Variants in FBXL5 observed in about 807,000 individuals in gnomAD.
FBXL5 encodes the protein F-box and leucine rich repeat protein 5, also known as F-box/LRR-repeat protein 5.
FBXL5 carries 26 observed loss-of-function variants against 78.3 expected under a neutral mutation model. That is an observed-to-expected ratio of 0.33 (90% CI 0.24 to 0.46). The LOEUF is 0.46. Among genes scored for constraint, FBXL5 ranks in the 20% least tolerant of loss-of-function variants. FBXL5 has a pLI of 1.00. For missense variants in FBXL5, 710 were observed against 829.2 expected, an observed-to-expected ratio of 0.86 and a Z score of 1.77; for synonymous variants, 295 against 282.5, an observed-to-expected ratio of 1.04 and a Z score of -0.45.
At position 15,612,663 on chromosome 4, in the gene FBXL5, T is replaced by G. The variant is rs569263194; in HGVS notation, c.1851-249A>C. On this transcript the variant is annotated intron_variant, in intron 9 of 10. Coordinates refer to ENST00000341285, the MANE Select transcript of FBXL5 (RefSeq NM_012161.4). ...AAAACTGTTCTTTATAAGAACATCA[T>G]GGTAACTCAATTCTTAGAGGAAGTA... Among the ~76,000 whole-genome samples, 13 of 152,288 alleles carry G rather than the reference T, an allele frequency of 8.5e-5. No homozygotes were observed. The South Asian group carries it at 2.7e-3, about 32-fold the overall frequency.
intron 5 of FBXL5, among the ~76,000 whole-genome samples, chr4:15,632,521 C>G (rs1274029782): frequency 6.6e-6 from 1 of 152,148 alleles, no homozygotes; most frequent in Non-Finnish European, 1.5e-5. Context: ...GTCATTTTCA[C>G]GATACTGATT....
intron 1 of FBXL5, among the ~76,000 whole-genome samples, chr4:15,654,247 TTTA>T (rs1411943139): frequency 2.6e-5 from 4 of 152,232 alleles, no homozygotes; most frequent in African/African-American, 9.6e-5. Context: ...ATTTGAATGC[TTTA>T]TTTAGTTGGA....
chr4:15,637,290 A>G (rs950549487), intron 4 of FBXL5, among the ~76,000 whole-genome samples: 1 of 152,220 alleles, frequency 6.6e-6, no homozygotes, highest in Non-Finnish European at 1.5e-5. Flanking sequence ...TCACATTGAT[A>G]ATGAAACTTT....
chr4:15,646,948 C>T (rs1024257972), intron 1 of FBXL5, among the ~76,000 whole-genome samples: 1 of 151,932 alleles, frequency 6.6e-6, no homozygotes, highest in Non-Finnish European at 1.5e-5. Context: ...AAAGGCTGGG[C>T]ATGGTGGCTC....
At chr4:15,641,005 G>T in intron 2 of FBXL5, 122 bp from the exon 3 acceptor site, 1 of 517,268 alleles carries the variant, frequency 1.9e-6, no homozygotes, top group Non-Finnish European at 3.4e-6. Flanking sequence ...AAATTGCAAA[G>T]TGGTCTCTGT....
chr4:15,625,135 G>A, intron 9 of FBXL5, 117 bp downstream of exon 9: 4 of 1,190,312 alleles, frequency 3.4e-6, no homozygotes, highest in Non-Finnish European at 4.6e-6. Context: ...GCAGATCTTG[G>A]TTAATCCTTT....
chr4:15,652,108 C>A (rs1181527175), intron 1 of FBXL5, among the ~76,000 whole-genome samples: 1 of 152,134 alleles, frequency 6.6e-6, no homozygotes. Context: ...CCAATGCTCA[C>A]TGACAGAATT....
In FBXL5 at chr4:15,636,661, T is replaced by C; in HGVS notation, c.599A>G (p.Glu200Gly). The C allele has an allele frequency of 1.3e-6, 2 of 1,564,848 alleles. No homozygotes were observed. The highest frequency in any genetic ancestry group is 2.4e-5 in the South Asian group (2 of 84,298). Residue 200 changes from glutamate to glycine, a missense_variant, in exon 5 of 11, where the codon GAA (glutamate) becomes GGA (glycine). Physicochemically the swap from Glu to Gly is moderately conservative, Grantham distance 98. Transcript: ENST00000341285. ...AAGATGGGTTATACCTGTGGAGTGT[T>C]CTGACACTTCTGCTTCTGAAATAAA... is the stretch of plus-strand genomic sequence containing the variant. ...EKSDKEAEVS[E>G]HSTGITHLPP... is the part of the protein sequence containing the mutation.
At chr4:15,639,846 G>A (rs548469528) in intron 3 of FBXL5, among the ~76,000 whole-genome samples, 2 of 152,254 alleles carry the variant, frequency 1.3e-5, no homozygotes, top group African/African-American at 4.8e-5. Context: ...TTGATTATAA[G>A]GTGAAGCTAT....
chr4:15,643,251 GTCTTT>G (rs910383637), intron 2 of FBXL5, among the ~76,000 whole-genome samples: 2 of 151,986 alleles, frequency 1.3e-5, no homozygotes, highest in African/African-American at 4.8e-5. Flanking sequence ...TCCTCCTTTA[GTCTTT>G]TCTTTATCTT....
upstream of FBXL5, among the ~76,000 whole-genome samples, chr4:15,659,378 A>C (rs1226197495): frequency 6.6e-6 from 1 of 152,186 alleles, no homozygotes; most frequent in African/African-American, 2.4e-5. Flanking sequence ...AATTTCAACA[A>C]TTGTTACCCT....
chr4:15,604,642 A>G lies in FBXL5; in HGVS notation c.*1081T>C, dbSNP rs772818017. 5.3e-5 allele frequency: 8 copies of G among 152,222 alleles called. No homozygotes were observed. The highest frequency in any genetic ancestry group is 1.0e-4 in the Non-Finnish European group (7 of 68,042). 9.4% of individuals were successfully genotyped at this position (152,222 alleles called of 1,614,324 possible). A position where few individuals can be genotyped will look rare whatever the true frequency, so the allele number is the denominator to read the frequency against. On this transcript the variant is annotated 3_prime_UTR_variant, in exon 11 of 11. Transcript: ENST00000341285. ...AAAAATGCATTATTTGCAAAGTGCA[A>G]TAAAGCAAAACGCAATAAGATGACA...
At chr4:15,630,209 T>C (rs886238415) in intron 6 of FBXL5, among the ~76,000 whole-genome samples, 1 of 152,198 alleles carries the variant, frequency 6.6e-6, no homozygotes, top group Non-Finnish European at 1.5e-5. Context: ...ACAATATTTA[T>C]GTATATTACT....
At chr4:15,659,900 T>C (rs1348939423), upstream of FBXL5, 3 of 160,944 alleles carry the variant, frequency 1.9e-5, no homozygotes, top group Admixed American at 1.3e-4. Context: ...TTGCACCATG[T>C]AGTGAGAAAG....
At chr4:15,665,264 G>A (rs1328745883) in intron 1 of FBXL5, among the ~76,000 whole-genome samples, 1 of 152,058 alleles carries the variant, frequency 6.6e-6, no homozygotes, top group Non-Finnish European at 1.5e-5. Context: ...ACGTGAAGTA[G>A]CCGTCAACCA....
intron 1 of FBXL5, among the ~76,000 whole-genome samples, chr4:15,674,598 C>T (rs1278127069): frequency 6.6e-6 from 1 of 151,762 alleles, no homozygotes; most frequent in Admixed American, 6.6e-5. Flanking sequence ...CTTCTTTTCT[C>T]CTTATCAACT....
At chr4:15,631,495 T>C (rs529244297) in intron 5 of FBXL5, among the ~76,000 whole-genome samples, 1 of 152,334 alleles carries the variant, frequency 6.6e-6, no homozygotes, top group South Asian at 2.1e-4. Context: ...ATCGCCACAC[T>C]GTCTTCCACA....
At chr4:15,626,255 G>A (rs903490176) in intron 8 of FBXL5, among the ~76,000 whole-genome samples, 12 of 152,160 alleles carry the variant, frequency 7.9e-5, no homozygotes, top group Non-Finnish European at 1.8e-4. Flanking sequence ...CCTAAAAGTA[G>A]TCAGCAGAAG....
At position 15,610,952 on chromosome 4, in the gene FBXL5, C is replaced by T. The variant is rs918134382; in HGVS notation, c.1999+1314G>A. Among the ~76,000 whole-genome samples the T allele has an allele frequency of 5.9e-5, 9 of 152,104 alleles. No individual in the cohort carries two copies. In the South Asian group the frequency reaches 6.2e-4, roughly 11 times the overall value. Reference sequence around the variant, plus strand: ...AAATAACTTTATGTTAACAAAACTCCGTTCTCAAATCCACAGCATCCACAA... The same window carrying T: ...AAATAACTTTATGTTAACAAAACTCTGTTCTCAAATCCACAGCATCCACAA... On this transcript the variant is annotated intron_variant, in intron 10 of 10. Coordinates refer to ENST00000341285, the MANE Select transcript of FBXL5 (RefSeq NM_012161.4).
Sources: allele counts gnomAD v4.1 joint callset (sites outside exome capture counted in the v4.1 genomes callset), GRCh38; gene constraint gnomAD v4.1.1; transcripts MANE v1.5; gene names NCBI Gene and HGNC (gene_info 2026-07-23, HGNC 2026-07-21).